The following GNA14 variants were observed in gnomAD, a reference collection of about 807,000 sequenced individuals.
GNA14 encodes G protein subunit alpha 14.
In GNA14, 50 loss-of-function variants were observed where a neutral mutation model predicts 42.0. The ratio of observed to expected loss-of-function variants is 1.19; its 90% CI spans 0.95 to 1.51. The LOEUF is 1.51. Ranked by LOEUF, GNA14 falls within the 40% of genes most tolerant of loss-of-function variation. The pLI, the probability that GNA14 is intolerant of heterozygous loss-of-function variation, is 0.00. For synonymous variants in GNA14, 173 were observed against 163.1 expected, an observed-to-expected ratio of 1.06 and a Z score of -0.46; for missense variants, 473 against 446.2, an observed-to-expected ratio of 1.06 and a Z score of -0.54.
rs557372355 is a variant in GNA14, at chr9:77,533,348, T to G, written c.125-4095A>C. Among the ~76,000 whole-genome samples the G allele has an allele frequency of 4.6e-4, 70 of 152,180 alleles. 2 individuals carry two copies. The East Asian group carries it at 0.013, about 29-fold the overall frequency. On this transcript the variant is annotated intron_variant, in intron 1 of 6. Transcript: ENST00000341700. The stretch of plus-strand genomic sequence containing the variant: ...GCGTGTGCCACCACACCTGGCTAAT[T>G]TTTGTATTTTTAGTAGAGACAGGGT...
intron 1 of GNA14, among the ~76,000 whole-genome samples, chr9:77,628,890 G>A (rs112317636): frequency 0.016 from 2,494 of 152,214 alleles, 59 homozygotes; most frequent in African/African-American, 0.056. Flanking sequence ...TGACAAATGG[G>A]ATCAAATTAA....
In GNA14 at chr9:77,618,618, A is replaced by AT. The variant is rs1564067873; in HGVS notation, c.124+29051dup. 7.3e-3 allele frequency among the ~76,000 whole-genome samples: 51 copies of AT among 6,998 alleles called. 2 individuals are homozygous for AT. The highest frequency in any genetic ancestry group is 0.012 in the East Asian group (1 of 82). 4.6% of individuals were successfully genotyped at this position (6,998 alleles called of 152,430 possible). A position where few individuals can be genotyped will look rare whatever the true frequency, so the allele number is the denominator to read the frequency against. The stretch of plus-strand genomic sequence containing the variant: ...TATATATATATATATATATATATAT[A>AT]TATTTTTTTTTTTTTTTTTTTTTTT... On this transcript the variant is annotated intron_variant, in intron 1 of 6. Coordinates refer to ENST00000341700, the MANE Select transcript of GNA14 (RefSeq NM_004297.4).
At chr9:77,517,360 G>A (rs1315842673) in intron 2 of GNA14, 1 of 152,092 alleles carries the variant, frequency 6.6e-6, no homozygotes, top group African/African-American at 2.4e-5. Flanking sequence ...TTCAAAAATA[G>A]GGAGCGAGGG....
intron 5 of GNA14, among the ~76,000 whole-genome samples, chr9:77,427,883 G>A (rs1213390970): frequency 6.6e-6 from 1 of 152,146 alleles, no homozygotes; most frequent in Non-Finnish European, 1.5e-5. Flanking sequence ...GTTCCACTAG[G>A]GATCTAATTT....
At chr9:77,519,368 G>A (rs979346594) in intron 2 of GNA14, among the ~76,000 whole-genome samples, 1 of 152,004 alleles carries the variant, frequency 6.6e-6, no homozygotes, top group Non-Finnish European at 1.5e-5. Flanking sequence ...CCGAGATTGC[G>A]CCACTACACT....
intron 1 of GNA14, among the ~76,000 whole-genome samples, chr9:77,540,638 G>A (rs750433550): frequency 7.2e-5 from 11 of 152,072 alleles, no homozygotes; most frequent in Non-Finnish European, 1.3e-4. Context: ...ATTTGCTTAT[G>A]AATCTGAGTG....
intron 1 of GNA14, among the ~76,000 whole-genome samples, chr9:77,529,784 C>T (rs9650760): frequency 0.022 from 3,417 of 152,284 alleles, 86 homozygotes; most frequent in African/African-American, 0.061. Flanking sequence ...AAACTCACAA[C>T]ACTTGCACAT....
At chr9:77,444,525 T>C (rs531096539) in intron 2 of GNA14, among the ~76,000 whole-genome samples, 2 of 152,312 alleles carry the variant, frequency 1.3e-5, no homozygotes, top group African/African-American at 4.8e-5. Flanking sequence ...TTCTGCTTTG[T>C]CTTTGCAGGT....
intron 1 of GNA14, among the ~76,000 whole-genome samples, chr9:77,627,834 G>C (rs937510229): frequency 6.6e-6 from 1 of 152,062 alleles, no homozygotes; most frequent in Non-Finnish European, 1.5e-5. Flanking sequence ...AACTGGCCAA[G>C]ACAAGGATAC....
chr9:77,574,452 T>C (rs1037542421), intron 1 of GNA14, among the ~76,000 whole-genome samples: 4 of 152,254 alleles, frequency 2.6e-5, no homozygotes, highest in Non-Finnish European at 5.9e-5. Flanking sequence ...CAGTAGTTTA[T>C]AGCTAATGAT....
At chr9:77,424,695 G>C (rs932656969) in intron 6 of GNA14, among the ~76,000 whole-genome samples, 10 of 152,106 alleles carry the variant, frequency 6.6e-5, no homozygotes, top group Non-Finnish European at 1.3e-4. Context: ...GTACTTTACA[G>C]TGATTTGTTT....
intron 2 of GNA14, among the ~76,000 whole-genome samples, chr9:77,452,749 C>T (rs989874979): frequency 6.6e-6 from 1 of 150,602 alleles, no homozygotes; most frequent in Non-Finnish European, 1.5e-5. Context: ...GAACTCTCAT[C>T]CCCAACGTGG....
chr9:77,477,691 A>C (rs1304130861), intron 2 of GNA14, among the ~76,000 whole-genome samples: 2 of 152,208 alleles, frequency 1.3e-5, no homozygotes, highest in African/African-American at 4.8e-5. Flanking sequence ...GAAGAAAATG[A>C]AGCTATTTGA....
rs146508094 is a variant in GNA14, at chr9:77,470,110, C to T, written c.310-35588G>A. 3.1e-3 allele frequency among the ~76,000 whole-genome samples: 478 copies of T among 152,192 alleles called. 2 individuals carry two copies. Among genetic ancestry groups the T allele is most frequent in the African/African-American group, 0.011 (467 of 41,530 alleles). Reference sequence around the variant, plus strand: ...AAGGAGTTATCAGGGCATCCAGTAACCTCCCCATCCTCTGGAGGCGGAGAA... The same window carrying T: ...AAGGAGTTATCAGGGCATCCAGTAATCTCCCCATCCTCTGGAGGCGGAGAA... On this transcript the variant is annotated intron_variant, in intron 2 of 6. Coordinates refer to ENST00000341700, the MANE Select transcript of GNA14 (RefSeq NM_004297.4).
chr9:77,641,101 GA>G (rs1824257354), intron 1 of GNA14, among the ~76,000 whole-genome samples: 2 of 1,250 alleles, frequency 1.6e-3, no homozygotes, highest in Non-Finnish European at 2.5e-3. Context: ...GGAGGGGGGG[GA>G]AGGAAGGAAG....
chr9:77,498,915 G>A (rs530404717), intron 2 of GNA14, among the ~76,000 whole-genome samples: 1 of 152,120 alleles, frequency 6.6e-6, no homozygotes, highest in Non-Finnish European at 1.5e-5. Flanking sequence ...AAAGGTTCCT[G>A]GGCATAAAAG....
chr9:77,501,760 G>T (rs1836977417), intron 2 of GNA14, among the ~76,000 whole-genome samples: 1 of 142,170 alleles, frequency 7.0e-6, no homozygotes, highest in Non-Finnish European at 1.5e-5. Flanking sequence ...ACCCGGGTTG[G>T]AGTGCAGTGG....
At chr9:77,585,430 C>CTA (rs1288465172) in intron 1 of GNA14, among the ~76,000 whole-genome samples, 4 of 152,136 alleles carry the variant, frequency 2.6e-5, no homozygotes, top group Admixed American at 1.3e-4. Context: ...GGATGACTCA[C>CTA]TATAGTCTCT....
At chr9:77,492,337 T>C (rs919898595) in intron 2 of GNA14, among the ~76,000 whole-genome samples, 12 of 151,198 alleles carry the variant, frequency 7.9e-5, no homozygotes, top group Non-Finnish European at 1.6e-4. Flanking sequence ...TAAAAATAAA[T>C]ACAATTTATT....
Sources: gnomAD v4.1 joint callset for allele counts (sites outside exome capture counted in the v4.1 genomes callset) on GRCh38, gnomAD v4.1.1 for gene constraint, MANE v1.5 for transcripts, NCBI Gene and HGNC (gene_info 2026-07-23, HGNC 2026-07-21) for gene names.